PEBP4: variants seen among roughly 807,000 people sequenced by gnomAD.
PEBP4 encodes phosphatidylethanolamine-binding protein 4.
In PEBP4, 22 loss-of-function variants were observed where a neutral mutation model predicts 23.9. The observed-to-expected ratio is 0.92, with a 90% CI of 0.66 to 1.31. The LOEUF (loss-of-function observed/expected upper bound fraction) is 1.31, where lower values mean the gene tolerates loss of function less well. Among genes scored for constraint, PEBP4 ranks in the 40% most tolerant of loss-of-function variants. PEBP4 has a pLI of 0.00. For synonymous variants in PEBP4, 112 were observed against 99.3 expected, an observed-to-expected ratio of 1.13 and a Z score of -0.76; for missense variants, 324 against 281.7, an observed-to-expected ratio of 1.15 and a Z score of -1.07.
At chr8:22,832,443 G>C (rs1345454164) in intron 3 of PEBP4, among the ~76,000 whole-genome samples, 1 of 152,166 alleles carries the variant, frequency 6.6e-6, no homozygotes, top group African/African-American at 2.4e-5. Context: ...CTGGCACATT[G>C]GTCTTGGACT....
At chr8:22,816,156 C>G (rs1357347833) in intron 4 of PEBP4, among the ~76,000 whole-genome samples, 4 of 152,220 alleles carry the variant, frequency 2.6e-5, no homozygotes, top group Admixed American at 6.5e-5. Context: ...GCTCCTCTCC[C>G]CTTCCTGATG....
At chr8:22,851,862 A>G (rs1195461472) in intron 3 of PEBP4, among the ~76,000 whole-genome samples, 2 of 152,114 alleles carry the variant, frequency 1.3e-5, no homozygotes, top group Non-Finnish European at 2.9e-5. Context: ...TCGTATTGTT[A>G]GGAGCCTTCT....
chr8:22,817,669 ATC>A lies in PEBP4; in HGVS notation c.323_324del (p.Arg108IlefsTer82), dbSNP rs773347542. On this transcript the variant is annotated frameshift_variant, in exon 4 of 7. Coordinates refer to ENST00000256404, the MANE Select transcript of PEBP4 (RefSeq NM_144962.3). LOFTEE classifies it high-confidence loss of function. ...DAPSRAEPRQRFWRHWLVTDI... is the reference protein window; with the variant it reads ...DAPSRAEPRQXFWRHWLVTDI... ...TCTGTTACCAGCCAATGTCTCCAGA[ATC>A]TCTGTCTGGGTTCTGCTCTGCTAGG... The A allele has an allele frequency of 1.1e-5, 17 of 1,614,078 alleles. No individual in the cohort carries two copies. In the African/African-American group the frequency reaches 1.6e-4, roughly 15 times the overall value.
intron 3 of PEBP4, among the ~76,000 whole-genome samples, chr8:22,891,610 A>G (rs76099405): frequency 0.016 from 2,444 of 152,342 alleles, 53 homozygotes; most frequent in African/African-American, 0.056. Context: ...CAAATGTTCC[A>G]TTTATTTATA....
At position 22,927,705 on chromosome 8, in the gene PEBP4, T is replaced by TCCAAC; in HGVS notation, c.5_9dup (p.Thr4ValfsTer4). 6.2e-7 allele frequency: 1 copy of TCCAAC among 1,613,644 alleles called. No individual in the cohort carries two copies. The highest frequency in any genetic ancestry group is 8.5e-7 in the Non-Finnish European group (1 of 1,179,748). ...AGTGCTGCTGTGACCAGCCTCATTG[T>TCCAAC]CCAACCCATGGGCACCTGGAACAGA... On this transcript the variant is annotated frameshift_variant, in exon 2 of 7. Transcript: ENST00000256404. LOFTEE classifies it high-confidence loss of function.
intron 4 of PEBP4, among the ~76,000 whole-genome samples, chr8:22,766,619 G>A (rs1406988049): frequency 6.6e-6 from 1 of 152,208 alleles, no homozygotes; most frequent in Non-Finnish European, 1.5e-5. Context: ...TGCTGTGGGG[G>A]TAACCAAAAA....
intron 3 of PEBP4, among the ~76,000 whole-genome samples, chr8:22,854,533 C>T (rs866481562): frequency 6.6e-6 from 1 of 152,102 alleles, no homozygotes; most frequent in South Asian, 2.1e-4. Context: ...ACCACCTCCA[C>T]GACTGCCAGT....
intron 3 of PEBP4, among the ~76,000 whole-genome samples, chr8:22,840,102 G>A (rs1449766009): frequency 6.6e-6 from 1 of 152,198 alleles, no homozygotes; most frequent in Non-Finnish European, 1.5e-5. Context: ...ATACCCATCA[G>A]AAGATTTTAT....
chr8:22,771,371 C>T lies in PEBP4; in HGVS notation c.358-44151G>A, dbSNP rs1369218681. Among the ~76,000 whole-genome samples the T allele has an allele frequency of 3.3e-5, 5 of 152,194 alleles. No individual in the cohort carries two copies. The East Asian group carries it at 5.8e-4, about 18-fold the overall frequency. On this transcript the variant is annotated intron_variant, in intron 4 of 6. Coordinates refer to ENST00000256404, the MANE Select transcript of PEBP4 (RefSeq NM_144962.3). ...CGACATGGTGGCGCATGCCTGTAGT[C>T]GCAGCTACTTGGGAGGCAGAGGCAG... is the stretch of plus-strand genomic sequence containing the variant.
At chr8:22,797,970 G>A (rs1211926212) in intron 4 of PEBP4, among the ~76,000 whole-genome samples, 1 of 152,122 alleles carries the variant, frequency 6.6e-6, no homozygotes, top group Admixed American at 6.5e-5. Context: ...CAGGGGCTGG[G>A]AAACTAGGGC....
chr8:22,839,338 G>GGGTGGCATGGC (rs1807273124), intron 3 of PEBP4, among the ~76,000 whole-genome samples: 2 of 152,268 alleles, frequency 1.3e-5, no homozygotes, highest in African/African-American at 2.4e-5. Context: ...GGGGCTTTGG[G>GGGTGGCATGGC]GGTGGCATGG....
intron 3 of PEBP4, among the ~76,000 whole-genome samples, chr8:22,898,118 G>A (rs995800961): frequency 2.6e-5 from 4 of 152,108 alleles, no homozygotes; most frequent in Admixed American, 1.3e-4. Flanking sequence ...CCAGCCAGGC[G>A]CAGTGGCTCA....
chr8:22,761,851 G>A (rs1026235332), intron 4 of PEBP4, among the ~76,000 whole-genome samples: 10 of 151,942 alleles, frequency 6.6e-5, no homozygotes, highest in Non-Finnish European at 7.4e-5. Context: ...ATCACAGCAC[G>A]CTAAAGAATA....
intron 3 of PEBP4, among the ~76,000 whole-genome samples, chr8:22,906,601 G>A (rs893091173): frequency 6.6e-6 from 1 of 152,242 alleles, no homozygotes; most frequent in Admixed American, 6.5e-5. Flanking sequence ...GGCTGCACTA[G>A]TCACATGGGT....
At chr8:22,823,086 T>C (rs1458491861) in intron 3 of PEBP4, among the ~76,000 whole-genome samples, 1 of 151,976 alleles carries the variant, frequency 6.6e-6, no homozygotes, top group African/African-American at 2.4e-5. Flanking sequence ...ATTAGAACAA[T>C]ATGGTGTTGA....
At chr8:22,901,866 CCATGTGT>C (rs1209697398) in intron 3 of PEBP4, among the ~76,000 whole-genome samples, 1 of 152,102 alleles carries the variant, frequency 6.6e-6, no homozygotes, top group Non-Finnish European at 1.5e-5. Context: ...GAAGACATGG[CCATGTGT>C]CATGTTTTAG....
intron 3 of PEBP4, among the ~76,000 whole-genome samples, chr8:22,844,103 C>T (rs146940923): frequency 9.5e-4 from 145 of 152,244 alleles, no homozygotes; most frequent in African/African-American, 3.2e-3. Context: ...GATTCGGCCC[C>T]GGAAATTTTC....
At chr8:22,900,756 C>G (rs1030159991) in intron 3 of PEBP4, among the ~76,000 whole-genome samples, 2 of 152,146 alleles carry the variant, frequency 1.3e-5, no homozygotes, top group African/African-American at 4.8e-5. Context: ...TCAGATCTGT[C>G]TATCCTATGC....
In PEBP4 at chr8:22,716,674, C is replaced by G. The variant is rs11781818; in HGVS notation, c.518-3138G>C. Among the ~76,000 whole-genome samples, 18 of 152,336 alleles carry G rather than the reference C, an allele frequency of 1.2e-4. No individual in the cohort carries two copies. The South Asian group carries it at 3.7e-3, about 32-fold the overall frequency. On this transcript the variant is annotated intron_variant, in intron 6 of 6. Coordinates refer to ENST00000256404, the MANE Select transcript of PEBP4 (RefSeq NM_144962.3). ...TGTCACGTGCTGGACAAACTCTGGA[C>G]GGCTCCATTGGGCCAGTTAGGGCTA...
Sources: allele counts gnomAD v4.1 joint callset (sites outside exome capture counted in the v4.1 genomes callset), GRCh38; gene constraint gnomAD v4.1.1; transcripts MANE v1.5; gene names NCBI Gene and HGNC (gene_info 2026-07-23, HGNC 2026-07-21).